AUTS2: variants seen among roughly 807,000 people sequenced by gnomAD.
The protein encoded by AUTS2 is autism susceptibility gene 2 protein.
AUTS2 carries 17 observed loss-of-function variants against 112.4 expected under a neutral mutation model. The observed-to-expected ratio is 0.15, with a 90% confidence interval of 0.10 to 0.23. The LOEUF is 0.23. Among genes scored for constraint, AUTS2 ranks in the 10% least tolerant of loss-of-function variants. The probability of loss-of-function intolerance (pLI) is 1.00; values close to 1 mark genes in which losing one functional copy is unlikely to be tolerated. For missense variants in AUTS2, 1,510 were observed against 1,701.6 expected, an observed-to-expected ratio of 0.89 and a Z score of 1.98; for synonymous variants, 751 against 702.7, an observed-to-expected ratio of 1.07 and a Z score of -1.09.
intron 4 of AUTS2, chr7:70,317,170 C>A (rs909654765): frequency 1.3e-5 from 2 of 151,612 alleles, no homozygotes; most frequent in African/African-American, 4.8e-5. Context: ...TTTTTTTTAA[C>A]CTTCTTGAAA....
intron 4 of AUTS2, among the ~76,000 whole-genome samples, chr7:70,350,439 G>C (rs1404035870): frequency 1.3e-5 from 2 of 152,168 alleles, no homozygotes; most frequent in African/African-American, 4.8e-5. Flanking sequence ...TGGCTGGGGA[G>C]GCCTCACAAT....
At chr7:70,480,228 G>A (rs1342125183) in intron 5 of AUTS2, among the ~76,000 whole-genome samples, 4 of 152,344 alleles carry the variant, frequency 2.6e-5, no homozygotes, top group Admixed American at 2.0e-4. Flanking sequence ...GTGTGCACAT[G>A]CACTTAGGAC....
At chr7:70,103,334 C>A (rs916058206) in intron 2 of AUTS2, among the ~76,000 whole-genome samples, 2 of 152,158 alleles carry the variant, frequency 1.3e-5, no homozygotes, top group Non-Finnish European at 2.9e-5. Context: ...TTACTTAACT[C>A]TAAATTAGTA....
chr7:70,373,459 G>T (rs1051791286), intron 4 of AUTS2, among the ~76,000 whole-genome samples: 1 of 152,050 alleles, frequency 6.6e-6, no homozygotes, highest in Non-Finnish European at 1.5e-5. Context: ...TTTTTGGTTG[G>T]TTTTAATCAT....
chr7:70,677,407 A>G (rs1807971055), intron 5 of AUTS2, among the ~76,000 whole-genome samples: 1 of 152,060 alleles, frequency 6.6e-6, no homozygotes, highest in Non-Finnish European at 1.5e-5. Context: ...ATTCCCCTGA[A>G]AGCCTCCACA....
intron 4 of AUTS2, among the ~76,000 whole-genome samples, chr7:70,305,151 A>AT (rs966658107): frequency 2.0e-5 from 3 of 151,768 alleles, no homozygotes; most frequent in African/African-American, 7.3e-5. Context: ...ATATATTTGG[A>AT]TTTTTTCCAA....
At chr7:70,282,585 C>T (rs1788271858) in intron 4 of AUTS2, among the ~76,000 whole-genome samples, 3 of 152,136 alleles carry the variant, frequency 2.0e-5, no homozygotes, top group Admixed American at 2.0e-4. Flanking sequence ...CATGACCTAA[C>T]CACCTCCACT....
chr7:70,112,587 T>C (rs1157626775), intron 2 of AUTS2, among the ~76,000 whole-genome samples: 2 of 152,042 alleles, frequency 1.3e-5, no homozygotes, highest in Admixed American at 1.3e-4. Flanking sequence ...TTTTTTACTT[T>C]GTATAGTTTT....
chr7:70,775,880 C>T lies in AUTS2; in HGVS notation c.1932+494C>T, dbSNP rs1421252111. 6.6e-5 allele frequency among the ~76,000 whole-genome samples: 10 copies of T among 152,304 alleles called. No individual in the cohort carries two copies. The East Asian group carries it at 1.2e-3, about 18-fold the overall frequency. On this transcript the variant is annotated intron_variant, in intron 13 of 18. Transcript: ENST00000342771. Reference sequence around the variant, plus strand: ...CATCTTGCTTAAAGCAAATTGTTCTCGAGGTCTGGAGACTGGCCAGTGTGA... The same window carrying T: ...CATCTTGCTTAAAGCAAATTGTTCTTGAGGTCTGGAGACTGGCCAGTGTGA...
chr7:69,732,513 T>C (rs1398565923), intron 1 of AUTS2, among the ~76,000 whole-genome samples: 1 of 152,138 alleles, frequency 6.6e-6, no homozygotes, highest in Non-Finnish European at 1.5e-5. Context: ...CCCATGGAAT[T>C]TCTTTTTCTC....
At chr7:70,002,259 G>A (rs1799233225) in intron 2 of AUTS2, among the ~76,000 whole-genome samples, 1 of 152,146 alleles carries the variant, frequency 6.6e-6, no homozygotes, top group Admixed American at 6.5e-5. Context: ...TTTTTGGTCT[G>A]CTCTCCCATA....
rs968450341 is a variant in AUTS2 at position 70,084,517 on chromosome 7, T to C, written c.523-33615T>C. On this transcript the variant is annotated intron_variant, in intron 2 of 18. Transcript: ENST00000342771. The stretch of plus-strand genomic sequence containing the variant: ...TCACCAGCAGTGTGTAAGAGTCCCA[T>C]TGTTTCCATATCCTTGCCAATACTT... 3.9e-5 allele frequency among the ~76,000 whole-genome samples: 6 copies of C among 152,332 alleles called. No homozygotes were observed. In the East Asian group the frequency reaches 1.2e-3, roughly 29 times the overall value.
chr7:70,688,289 G>A (rs1278435173), intron 5 of AUTS2, among the ~76,000 whole-genome samples: 1 of 152,180 alleles, frequency 6.6e-6, no homozygotes, highest in Non-Finnish European at 1.5e-5. Context: ...ATTCCAAGAT[G>A]TGGACAAATT....
chr7:70,060,111 A>G (rs1802175155), intron 2 of AUTS2, among the ~76,000 whole-genome samples: 1 of 152,230 alleles, frequency 6.6e-6, no homozygotes, highest in Non-Finnish European at 1.5e-5. Context: ...TCTACACAGC[A>G]TAAAACCATC....
intron 4 of AUTS2, among the ~76,000 whole-genome samples, chr7:70,276,459 A>T (rs1203787726): frequency 6.6e-6 from 1 of 151,142 alleles, no homozygotes; most frequent in Non-Finnish European, 1.5e-5. Flanking sequence ...GCTCACTGCA[A>T]CCTCTGCCTC....
intron 6 of AUTS2, among the ~76,000 whole-genome samples, chr7:70,741,109 T>TAA (rs201234065): frequency 1.8e-4 from 26 of 141,836 alleles, no homozygotes; most frequent in Admixed American, 1.1e-3. Context: ...TTAAAAAAAA[T>TAA]AAAAAAAAAA....
chr7:70,582,864 T>C (rs1802514201), intron 5 of AUTS2, among the ~76,000 whole-genome samples: 1 of 152,184 alleles, frequency 6.6e-6, no homozygotes, highest in African/African-American at 2.4e-5. Flanking sequence ...ATAACCTAGA[T>C]TATGTCCCTA....
At chr7:70,628,311 A>G (rs933238471) in intron 5 of AUTS2, among the ~76,000 whole-genome samples, 17 of 71,912 alleles carry the variant, frequency 2.4e-4, no homozygotes, top group Admixed American at 3.4e-4. Flanking sequence ...TTAATTTGCA[A>G]AACTATATAT....
intron 2 of AUTS2, among the ~76,000 whole-genome samples, chr7:70,008,322 T>C (rs1193299169): frequency 6.6e-6 from 1 of 152,224 alleles, no homozygotes; most frequent in Non-Finnish European, 1.5e-5. Flanking sequence ...TATTTTAATA[T>C]ATAGCATGCT....
Sources: gnomAD v4.1 joint callset for allele counts (sites outside exome capture counted in the v4.1 genomes callset) on GRCh38, gnomAD v4.1.1 for gene constraint, MANE v1.5 for transcripts, NCBI Gene and HGNC (gene_info 2026-07-23, HGNC 2026-07-21) for gene names.